Variants in FLG2 observed in about 807,000 individuals in gnomAD.
The protein encoded by FLG2 is filaggrin 2.
FLG2 carries 7 observed loss-of-function variants against 3.9 expected under a neutral mutation model. The ratio of observed to expected loss-of-function variants is 1.79; its 90% CI spans 1.02 to 3.36. The LOEUF is 3.36. Among genes scored for constraint, FLG2 ranks in the 30% most tolerant of loss-of-function variants. The probability of loss-of-function intolerance (pLI) is 0.00; values close to 1 mark genes in which losing one functional copy is unlikely to be tolerated. For missense variants in FLG2, 2,700 were observed against 2,809.4 expected, an observed-to-expected ratio of 0.96 and a Z score of 0.88; for synonymous variants, 1,031 against 1,056.1, an observed-to-expected ratio of 0.98 and a Z score of 0.46.
chr1:152,358,282 A>C (rs905430090), intron 2 of FLG2, among the ~76,000 whole-genome samples: 1 of 152,152 alleles, frequency 6.6e-6, no homozygotes, highest in African/African-American at 2.4e-5. Flanking sequence ...CGGCCTCCCA[A>C]AGTGCTGGGA....
Position 152,354,293 on chromosome 1 carries a change from C to G in FLG2, c.3493G>C (p.Gly1165Arg). The G allele has an allele frequency of 6.2e-7, 1 of 1,614,162 alleles. No homozygotes were observed. The highest frequency in any genetic ancestry group is 8.5e-7 in the Non-Finnish European group (1 of 1,179,996). Residue 1165 changes from glycine to arginine, a missense_variant, in exon 3 of 3, where the codon GGC (glycine) becomes CGC (arginine). Physicochemically the swap from Gly to Arg is moderately radical, Grantham distance 125. Transcript: ENST00000388718. The stretch of plus-strand genomic sequence containing the variant: ...GAGCCAGACTCATGTTGGCCACAGC[C>G]AGATGATTGACTGGAGCCAGTACCA... ...QHGTGSSQSS[G>R]CGQHESGSGP...
chr1:152,350,440 A>G lies in FLG2; in HGVS notation c.*170T>C, dbSNP rs1653863408. Reference sequence around the variant, plus strand: ...GTTGTTTGACTGTTTATGAGTTACTATAGAATGTCCATGACTAGATTCCTG... The same window carrying G: ...GTTGTTTGACTGTTTATGAGTTACTGTAGAATGTCCATGACTAGATTCCTG... On this transcript the variant is annotated 3_prime_UTR_variant, in exon 3 of 3. Coordinates refer to ENST00000388718, the MANE Select transcript of FLG2 (RefSeq NM_001014342.3). 1 of 839,904 alleles carries G rather than the reference A, an allele frequency of 1.2e-6. No homozygotes were observed. Among genetic ancestry groups the G allele is most frequent in the Non-Finnish European group, 1.8e-6 (1 of 556,158 alleles). 52.0% of individuals were successfully genotyped at this position (839,904 alleles called of 1,614,324 possible). A position where few individuals can be genotyped will look rare whatever the true frequency, so the allele number is the denominator to read the frequency against.
Position 152,357,197 on chromosome 1 carries a change from G to C in FLG2, c.589C>G (p.His197Asp), listed in dbSNP as rs1022352953. 3 of 1,614,114 alleles carry C rather than the reference G, an allele frequency of 1.9e-6. No homozygotes were observed. Among genetic ancestry groups the C allele is most frequent in the Non-Finnish European group, 2.5e-6 (3 of 1,180,014 alleles). ...CTCAGTTCTACAGAGCTGGAACCAT[G>C]TCTGTCTTTGCCACCACTCCATGAA... ...GHSWSGGKDR[H>D]GSSSVELRER... is the part of the protein sequence containing the mutation. Residue 197 changes from histidine (H) to aspartate (D), a missense_variant, in exon 3 of 3, where the codon CAT (histidine) becomes GAT (aspartate). Transcript: ENST00000388718.
chr1:152,349,563 C>T lies in FLG2; in HGVS notation c.*1047G>A, dbSNP rs984779592. The T allele has an allele frequency of 1.3e-5, 2 of 152,632 alleles. No individual in the cohort carries two copies. Among genetic ancestry groups the T allele is most frequent in the Admixed American group, 1.3e-4 (2 of 15,280 alleles). 9.5% of individuals were successfully genotyped at this position (152,632 alleles called of 1,614,324 possible). A position where few individuals can be genotyped will look rare whatever the true frequency, so the allele number is the denominator to read the frequency against. ...GTTAAAATGAAAGAACAGACATATA[C>T]CCTTACTACCAAAAGAGGAGATCAT... On this transcript the variant is annotated 3_prime_UTR_variant, in exon 3 of 3. Transcript: ENST00000388718.
In FLG2 at chr1:152,356,410, G is replaced by A. The variant is rs1311779352; in HGVS notation, c.1376C>T (p.Thr459Ile). 1.2e-6 allele frequency: 2 copies of A among 1,614,000 alleles called. No individual in the cohort carries two copies. The highest frequency in any genetic ancestry group is 1.7e-5 in the Admixed American group (1 of 60,002). The change falls in exon 3 of 3, where the codon ACA (threonine) becomes ATA (isoleucine). Residue 459 changes from threonine to isoleucine, a missense_variant. Transcript: ENST00000388718. The part of the protein sequence containing the change: ...SGQTCGQHES[T>I]SSQSLGYDQH... ...GTCATAGCCCAAGGATTGACTTGAT[G>A]TAGACTCATGCTGGCCACAAGTTTG...
rs2101681675 is a variant in FLG2, at chr1:152,356,956, C to T, written c.830G>A (p.Ser277Asn). The change falls in exon 3 of 3, where the codon AGT (serine) becomes AAT (asparagine). Residue 277 changes from serine to asparagine, a missense_variant. Coordinates refer to ENST00000388718, the MANE Select transcript of FLG2 (RefSeq NM_001014342.3). ...CSGSGDSGRRSHACGYSNSSG... is the reference protein window; with the variant it reads ...CSGSGDSGRRNHACGYSNSSG... ...TGAATTGCTATAACCACATGCATGA[C>T]TTCGCCTCCCACTGTCTCCTGAACC... 1 of 1,614,228 alleles carries T rather than the reference C, an allele frequency of 6.2e-7. No individual in the cohort carries two copies. Among genetic ancestry groups the T allele is most frequent in the African/African-American group, 1.3e-5 (1 of 75,068 alleles).
chr1:152,355,117 C>T lies in FLG2; in HGVS notation c.2669G>A (p.Gly890Asp), dbSNP rs370349464. The T allele has an allele frequency of 6.4e-7, 1 of 1,555,630 alleles. No homozygotes were observed. Among genetic ancestry groups the T allele is most frequent in the Non-Finnish European group, 8.7e-7 (1 of 1,153,772 alleles). ...TCCAAAGCCACTGGACTGACCTGAG[C>T]CTGATCCATGTTGTCCAAAGCCAGA... is the stretch of plus-strand genomic sequence containing the variant. ...QYSGFGQHGS[G>D]SGQSSGFGQH... is the part of the protein sequence containing the mutation. The change falls in exon 3 of 3, where the codon GGC becomes GAC. Residue 890 changes from glycine to aspartate, a missense_variant. Transcript: ENST00000388718.
At position 152,351,652 on chromosome 1, in the gene FLG2, G is replaced by C. The variant is rs1370657313; in HGVS notation, c.6134C>G (p.Thr2045Arg). Residue 2045 changes from threonine (T) to arginine (R), a missense_variant, in exon 3 of 3, where the codon ACA (threonine) becomes AGA (arginine). By Grantham distance (71) the Thr-to-Arg change is moderately conservative. Coordinates refer to ENST00000388718, the MANE Select transcript of FLG2 (RefSeq NM_001014342.3). ...DSEGHSGVSH[T>R]HSGHAHGQAG... ...TTGGCCATGAGCGTGTCCTGAATGTGTGTGTGAGACCCCTGAGTGCCCTTC... is the reference window on the plus strand; with the variant it reads ...TTGGCCATGAGCGTGTCCTGAATGTCTGTGTGAGACCCCTGAGTGCCCTTC... The C allele has an allele frequency of 3.1e-6, 5 of 1,611,502 alleles. No homozygotes were observed. The highest frequency in any genetic ancestry group is 3.4e-6 in the Non-Finnish European group (4 of 1,179,544).
At position 152,352,135 on chromosome 1, in the gene FLG2, C is replaced by T. The variant is rs749083473; in HGVS notation, c.5651G>A (p.Ser1884Asn). 9.3e-6 allele frequency: 15 copies of T among 1,613,644 alleles called. No homozygotes were observed. Among genetic ancestry groups the T allele is most frequent in the African/African-American group, 4.0e-5 (3 of 74,772 alleles). Residue 1884 changes from serine to asparagine, a missense_variant, in exon 3 of 3, where the codon AGT becomes AAT. Transcript: ENST00000388718. Reference sequence around the variant, plus strand: ...GCCCCCTGAGTGCACTTCACTGTCACTGGACTCACTGTGGCCAGATCTCCT... The same window carrying T: ...GCCCCCTGAGTGCACTTCACTGTCATTGGACTCACTGTGGCCAGATCTCCT... ...GRRRSGHSES[S>N]DSEVHSGGSH...
rs1278989527 is a variant in FLG2, at chr1:152,353,762, T to C, written c.4024A>G (p.Arg1342Gly). Residue 1342 changes from arginine to glycine, a missense_variant, in exon 3 of 3, where the codon AGA becomes GGA. By Grantham distance (125) the Arg-to-Gly change is moderately radical (BLOSUM62 -2). Transcript: ENST00000388718. ...GCATCACTGTGGCTAAATCTCTGTC[T>C]TCCAGATGTTCTGGAACCTGTCTGT... The part of the protein sequence containing the change: ...STQTGSRTSG[R>G]QRFSHSDATD... 3 of 1,614,178 alleles carry C rather than the reference T, an allele frequency of 1.9e-6. No homozygotes were observed. The East Asian group carries it at 6.7e-5, about 36-fold the overall frequency.
rs1654137248 is a variant in FLG2, at chr1:152,354,914, A to T, written c.2872T>A (p.Ser958Thr). 2 of 1,613,402 alleles carry T rather than the reference A, an allele frequency of 1.2e-6. No homozygotes were observed. The highest frequency in any genetic ancestry group is 1.7e-6 in the Non-Finnish European group (2 of 1,179,926). ...FGQHRSGSGQSSGFGQHGSGS... is the reference protein window; with the variant it reads ...FGQHRSGSGQTSGFGQHGSGS... Reference sequence around the variant, plus strand: ...GATCCATGTTGGCCAAAGCCAGAGGATTGACCTGAGCCTGACCTGTGTTGT... The same window carrying T: ...GATCCATGTTGGCCAAAGCCAGAGGTTTGACCTGAGCCTGACCTGTGTTGT... The change falls in exon 3 of 3, where the codon TCC becomes ACC. Residue 958 changes from serine to threonine, a missense_variant. Coordinates refer to ENST00000388718, the MANE Select transcript of FLG2 (RefSeq NM_001014342.3).
intron 1 of FLG2, 35 bp from the exon 2 acceptor site, chr1:152,358,941 T>A: frequency 6.5e-7 from 1 of 1,534,704 alleles, no homozygotes; most frequent in Non-Finnish European, 8.8e-7. Flanking sequence ...CTATTATTCA[T>A]ATTCTCTCCT....
Position 152,353,410 on chromosome 1 carries a change from G to T in FLG2, c.4376C>A (p.Ser1459Tyr). 1 of 1,610,502 alleles carries T rather than the reference G, an allele frequency of 6.2e-7. No individual in the cohort carries two copies. ...AGTTCCGTGTCTCCCATGAACTGTG[G>T]ATCCTGACTCTCCATGTTGAGATCC... The part of the protein sequence containing the change: ...QAGSQHGESG[S>Y]TVHGRHGTTH... The change falls in exon 3 of 3, where the codon TCC (serine) becomes TAC (tyrosine). Residue 1459 changes from serine to tyrosine, a missense_variant. Ser to Tyr is a moderately radical substitution (Grantham distance 144, BLOSUM62 -2). Transcript: ENST00000388718.
chr1:152,352,528 C>A lies in FLG2; in HGVS notation c.5258G>T (p.Arg1753Ile). The A allele has an allele frequency of 6.2e-7, 1 of 1,613,592 alleles. No individual in the cohort carries two copies. Among genetic ancestry groups the A allele is most frequent in the Admixed American group, 1.7e-5 (1 of 59,950 alleles). Reference sequence around the variant, plus strand: ...GGATTCTGACTCTCCATGTTGAGATCTGGCTTGGCCATGAGTGTGTCCTGA... The same window carrying A: ...GGATTCTGACTCTCCATGTTGAGATATGGCTTGGCCATGAGTGTGTCCTGA... The part of the protein sequence containing the change: ...THSGHTHGQA[R>I]SQHGESESIV... The change falls in exon 3 of 3, where the codon AGA (arginine) becomes ATA (isoleucine). Residue 1753 changes from arginine to isoleucine, a missense_variant. Transcript: ENST00000388718.
rs1344258390 is a variant in FLG2 at position 152,353,958 on chromosome 1, A to C, written c.3828T>G (p.Ser1276Arg). The C allele has an allele frequency of 2.5e-6, 4 of 1,613,990 alleles. No individual in the cohort carries two copies. Among genetic ancestry groups the C allele is most frequent in the East Asian group, 2.2e-5 (1 of 44,896 alleles). ...AGACCTTTGAGTGCACTTCACTGTC[A>C]CTGTTCTCACTTTGGCTAGATCTTC... ...RRRRSSQSENSDSEVHSKVSH... is the reference protein window; with the variant it reads ...RRRRSSQSENRDSEVHSKVSH... The change falls in exon 3 of 3, where the codon AGT becomes AGG. Residue 1276 changes from serine to arginine, a missense_variant. By Grantham distance (110) the Ser-to-Arg change is moderately radical (BLOSUM62 -1). Transcript: ENST00000388718.
Position 152,355,943 on chromosome 1 carries a change from G to T in FLG2, c.1843C>A (p.Gln615Lys). 3 of 1,607,826 alleles carry T rather than the reference G, an allele frequency of 1.9e-6. No individual in the cohort carries two copies. Among genetic ancestry groups the T allele is most frequent in the Non-Finnish European group, 2.5e-6 (3 of 1,177,402 alleles). Reference sequence around the variant, plus strand: ...GAACTGTGTTGGCCATAACTAGACTGACCTGATCTAGACTCATGTTGTCCA... The same window carrying T: ...GAACTGTGTTGGCCATAACTAGACTTACCTGATCTAGACTCATGTTGTCCA... The part of the protein sequence containing the change: ...GFGQHESRSG[Q>K]SSYGQHSSGS... Residue 615 changes from glutamine (Q) to lysine (K), a missense_variant, in exon 3 of 3, where the codon CAG becomes AAG. Physicochemically the swap from Gln to Lys is moderately conservative, Grantham distance 53. Transcript: ENST00000388718.
Position 152,351,292 on chromosome 1 carries a change from G to T in FLG2, c.6494C>A (p.Ser2165Tyr). The T allele has an allele frequency of 3.1e-6, 5 of 1,613,842 alleles. No homozygotes were observed. Among genetic ancestry groups the T allele is most frequent in the Non-Finnish European group, 4.2e-6 (5 of 1,179,968 alleles). The change falls in exon 3 of 3, where the codon TCC (serine) becomes TAC (tyrosine). Residue 2165 changes from serine (S) to tyrosine (Y), a missense_variant. Transcript: ENST00000388718. ...AGTTGTCCTGGAACCTGTCTGTGTG[G>T]ACTGTCCATGACCAGACTGGCCATG... ...TRHGQSGHGQSTQTGSRTTGR... is the reference protein window; with the variant it reads ...TRHGQSGHGQYTQTGSRTTGR...
intron 1 of FLG2, among the ~76,000 whole-genome samples, chr1:152,359,624 C>T (rs1276660049): frequency 6.6e-6 from 1 of 152,186 alleles, no homozygotes; most frequent in African/African-American, 2.4e-5. Flanking sequence ...GACTCTGCAA[C>T]AGACCCAGCT....
chr1:152,353,439 T>C lies in FLG2; in HGVS notation c.4347A>G (p.Gln1449=), dbSNP rs1233883543. The change falls in exon 3 of 3, where the codon CAA becomes CAG. Residue 1449 remains glutamine, a synonymous_variant. Transcript: ENST00000388718. ...RPQSQEQTHG[Q]AGSQHGESGS... is the part of the protein sequence containing the mutation. ...CTGACTCTCCATGTTGAGATCCGGCTTGGCCATGAGTTTGTTCTTGTGATT... is the reference window on the plus strand; with the variant it reads ...CTGACTCTCCATGTTGAGATCCGGCCTGGCCATGAGTTTGTTCTTGTGATT... 3.1e-6 allele frequency: 5 copies of C among 1,613,098 alleles called. No individual in the cohort carries two copies. Among genetic ancestry groups the C allele is most frequent in the Non-Finnish European group, 4.2e-6 (5 of 1,179,722 alleles).
Sources: gnomAD v4.1 joint callset for allele counts (sites outside exome capture counted in the v4.1 genomes callset) on GRCh38, gnomAD v4.1.1 for gene constraint, MANE v1.5 for transcripts, NCBI Gene and HGNC (gene_info 2026-07-23, HGNC 2026-07-21) for gene names.